Variants in TMEM178B observed in about 807,000 individuals in gnomAD.
The protein encoded by TMEM178B is transmembrane protein 178B.
TMEM178B carries 5 observed loss-of-function variants against 31.0 expected under a neutral mutation model. The observed-to-expected ratio is 0.16, with a 90% CI of 0.08 to 0.34. The LOEUF (loss-of-function observed/expected upper bound fraction) is 0.34. TMEM178B is among the 10% of genes least tolerant of loss of function. The probability of loss-of-function intolerance (pLI) is 1.00; values close to 1 mark genes in which losing one functional copy is unlikely to be tolerated. For missense variants in TMEM178B, 275 were observed against 400.3 expected (o/e 0.69, Z 2.67); for synonymous variants, 164 against 164.0 (o/e 1.00, Z 0.00).
chr7:141,236,768 A>T (rs1797533758), intron 2 of TMEM178B, among the ~76,000 whole-genome samples: 1 of 152,182 alleles, frequency 6.6e-6, no homozygotes, highest in Admixed American at 6.5e-5. Flanking sequence ...TGAAGGAAAG[A>T]TTTTTCGAAG....
intron 1 of TMEM178B, among the ~76,000 whole-genome samples, chr7:141,084,083 G>T (rs545592870): frequency 2.0e-5 from 3 of 152,304 alleles, no homozygotes; most frequent in South Asian, 4.1e-4. Flanking sequence ...GGGATTACAG[G>T]TATAAGCCAC....
In TMEM178B at chr7:141,213,369, A is replaced by G. The variant is rs148856095; in HGVS notation, c.496+665A>G. Among the ~76,000 whole-genome samples the G allele has an allele frequency of 3.3e-3, 500 of 152,236 alleles. 4 individuals carry two copies. Among genetic ancestry groups the G allele is most frequent in the African/African-American group, 0.011 (470 of 41,550 alleles). On this transcript the variant is annotated intron_variant, in intron 2 of 3. Transcript: ENST00000565468. ...CATGAGCAAACAGAGTTTGTTGGCT[A>G]TTTTTACTTTTCTGCGCCATTGGGA...
At chr7:141,405,393 A>G (rs1198061741) in intron 2 of TMEM178B, among the ~76,000 whole-genome samples, 1 of 152,256 alleles carries the variant, frequency 6.6e-6, no homozygotes, top group Admixed American at 6.5e-5. Flanking sequence ...CCCCAAGTCC[A>G]GAGACAAGGT....
intron 3 of TMEM178B, among the ~76,000 whole-genome samples, chr7:141,450,654 A>C (rs2116702567): frequency 6.6e-6 from 1 of 152,286 alleles, no homozygotes; most frequent in African/African-American, 2.4e-5. Context: ...TAAAGGGAGG[A>C]TAAGGTCTCA....
intron 2 of TMEM178B, among the ~76,000 whole-genome samples, chr7:141,306,300 A>G (rs540441358): frequency 6.6e-6 from 1 of 152,278 alleles, no homozygotes; most frequent in East Asian, 1.9e-4. Flanking sequence ...TCTTTAAAAG[A>G]AGCACATGGG....
At chr7:141,341,357 G>T (rs1455542551) in intron 2 of TMEM178B, among the ~76,000 whole-genome samples, 1 of 152,100 alleles carries the variant, frequency 6.6e-6, no homozygotes, top group African/African-American at 2.4e-5. Context: ...GGTGTGGGGA[G>T]GAAAATGAGA....
intron 1 of TMEM178B, among the ~76,000 whole-genome samples, chr7:141,205,269 A>G (rs1482138085): frequency 6.6e-6 from 1 of 152,240 alleles, no homozygotes; most frequent in East Asian, 1.9e-4. Context: ...AAGTCCTGCA[A>G]TAAGGAAGCT....
intron 2 of TMEM178B, among the ~76,000 whole-genome samples, chr7:141,286,404 A>G (rs2116411767): frequency 6.6e-6 from 1 of 152,300 alleles, no homozygotes; most frequent in South Asian, 2.1e-4. Flanking sequence ...GTGTTTTTCT[A>G]GTGTATATTT....
chr7:141,262,678 G>A (rs1457141085), intron 2 of TMEM178B, among the ~76,000 whole-genome samples: 6 of 152,154 alleles, frequency 3.9e-5, no homozygotes, highest in Non-Finnish European at 8.8e-5. Flanking sequence ...GCTAGAACCA[G>A]AATTTACTGT....
At chr7:141,093,511 A>G (rs1794911433) in intron 1 of TMEM178B, among the ~76,000 whole-genome samples, 1 of 152,196 alleles carries the variant, frequency 6.6e-6, no homozygotes, top group African/African-American at 2.4e-5. Context: ...GAGAAGTCTC[A>G]CTGGGGATGT....
chr7:141,349,353 G>T (rs1023836867), intron 2 of TMEM178B, among the ~76,000 whole-genome samples: 2 of 152,142 alleles, frequency 1.3e-5, no homozygotes, highest in Non-Finnish European at 2.9e-5. Flanking sequence ...AAAAATGACC[G>T]ATGGATCATC....
intron 2 of TMEM178B, among the ~76,000 whole-genome samples, chr7:141,416,827 CAG>C (rs1387423323): frequency 6.6e-6 from 1 of 152,122 alleles, no homozygotes; most frequent in Non-Finnish European, 1.5e-5. Context: ...GAACCAGACA[CAG>C]AGTACATAAC....
intron 1 of TMEM178B, among the ~76,000 whole-genome samples, chr7:141,075,585 A>G (rs1794588625): frequency 6.6e-6 from 1 of 152,208 alleles, no homozygotes; most frequent in Non-Finnish European, 1.5e-5. Flanking sequence ...TCCTGTTGTC[A>G]ACCCACTGGA....
At chr7:141,462,151 A>C (rs1802069672) in intron 3 of TMEM178B, among the ~76,000 whole-genome samples, 1 of 152,018 alleles carries the variant, frequency 6.6e-6, no homozygotes, top group Non-Finnish European at 1.5e-5. Flanking sequence ...AGCCAATTGG[A>C]CTCTCTTAGC....
chr7:141,485,782 C>G, the TMEM178B span, among the ~76,000 whole-genome samples: 3 of 152,208 alleles, frequency 2.0e-5, no homozygotes, highest in African/African-American at 7.2e-5. Flanking sequence ...CTTCCCATGT[C>G]AGGGTGTGAT....
At position 141,355,214 on chromosome 7, in the gene TMEM178B, T is replaced by C. The variant is rs568846183; in HGVS notation, c.497-82394T>C. Among the ~76,000 whole-genome samples, 5 of 152,282 alleles carry C rather than the reference T, an allele frequency of 3.3e-5. No homozygotes were observed. In the South Asian group the frequency reaches 1.0e-3, roughly 32 times the overall value. ...CAGCTTTATTGAAGGGAATCAAATG[T>C]TCTTGCTAATATTGTCAGGGCTTTG... On this transcript the variant is annotated intron_variant, in intron 2 of 3. Coordinates refer to ENST00000565468, the MANE Select transcript of TMEM178B (RefSeq NM_001195278.2).
At chr7:141,418,125 T>C (rs1801133773) in intron 2 of TMEM178B, among the ~76,000 whole-genome samples, 1 of 152,172 alleles carries the variant, frequency 6.6e-6, no homozygotes, top group South Asian at 2.1e-4. Context: ...GCTAAGTCTT[T>C]CTCCTCTTCA....
At chr7:141,453,107 C>A (rs979463338) in intron 3 of TMEM178B, among the ~76,000 whole-genome samples, 2 of 152,220 alleles carry the variant, frequency 1.3e-5, no homozygotes, top group Admixed American at 1.3e-4. Context: ...CTTACCTAGA[C>A]CCAGACTCCT....
At chr7:141,116,185 A>G (rs1273680046) in intron 1 of TMEM178B, among the ~76,000 whole-genome samples, 4 of 152,142 alleles carry the variant, frequency 2.6e-5, no homozygotes, top group Non-Finnish European at 4.4e-5. Context: ...TTATTTACCT[A>G]TCGAGGTGCC....
Sources: gnomAD v4.1 joint callset for allele counts (sites outside exome capture counted in the v4.1 genomes callset) on GRCh38, gnomAD v4.1.1 for gene constraint, MANE v1.5 for transcripts, NCBI Gene and HGNC (gene_info 2026-07-23, HGNC 2026-07-21) for gene names.